COL21A1: variants seen among roughly 807,000 people sequenced by gnomAD.
The protein encoded by COL21A1 is collagen alpha-1(XXI) chain.
In COL21A1, 149 loss-of-function variants were observed where a neutral mutation model predicts 137.9. The ratio of observed to expected loss-of-function variants is 1.08; its 90% CI spans 0.95 to 1.24. The LOEUF (loss-of-function observed/expected upper bound fraction) is 1.24. COL21A1 is among the 50% of genes most tolerant of loss of function. The pLI, the probability that COL21A1 is intolerant of heterozygous loss-of-function variation, is 0.00. For synonymous variants in COL21A1, 456 were observed against 391.5 expected, an observed-to-expected ratio of 1.16 and a Z score of -1.95; for missense variants, 1,167 against 1,158.4, an observed-to-expected ratio of 1.01 and a Z score of -0.11.
At chr6:56,067,466 C>G in intron 22 of COL21A1, 136 bp from the exon 23 acceptor site, 1 of 595,484 alleles carries the variant, frequency 1.7e-6, no homozygotes, top group South Asian at 3.0e-5. Context: ...CAGAAGTTGA[C>G]TCCTAACACA....
rs376488651 is a variant in COL21A1, at chr6:56,093,110, C to T, written c.1812+8362G>A. 1.2e-4 allele frequency among the ~76,000 whole-genome samples: 19 copies of T among 152,134 alleles called. No individual in the cohort carries two copies. The East Asian group carries it at 2.9e-3, about 23-fold the overall frequency. ...ATAAGCCAAGATAATCTCCCTATGA[C>T]AAGATACTCATTCATATCTACAAAA... is the stretch of plus-strand genomic sequence containing the variant. On this transcript the variant is annotated intron_variant, in intron 17 of 29. Coordinates refer to ENST00000244728, the MANE Select transcript of COL21A1 (RefSeq NM_030820.4).
At chr6:56,255,349 G>GTC (rs1325533216) in intron 1 of COL21A1, among the ~76,000 whole-genome samples, 2 of 151,346 alleles carry the variant, frequency 1.3e-5, no homozygotes, top group Non-Finnish European at 2.9e-5. Flanking sequence ...GTGTGTGTGT[G>GTC]TGTGTGTGTG....
intron 17 of COL21A1, among the ~76,000 whole-genome samples, chr6:56,086,145 C>T (rs1291843223): frequency 6.6e-6 from 1 of 151,956 alleles, no homozygotes; most frequent in Non-Finnish European, 1.5e-5. Flanking sequence ...AAAACCATTA[C>T]ATATACATTA....
chr6:56,263,172 T>C (rs1763320365), intron 1 of COL21A1, among the ~76,000 whole-genome samples: 2 of 152,254 alleles, frequency 1.3e-5, no homozygotes, highest in African/African-American at 2.4e-5. Context: ...ACGCATAGTA[T>C]GCTTAATAGA....
At chr6:56,229,972 C>T (rs1326740852) in intron 1 of COL21A1, among the ~76,000 whole-genome samples, 7 of 151,848 alleles carry the variant, frequency 4.6e-5, no homozygotes, top group Admixed American at 2.0e-4. Context: ...TTGAAATCAA[C>T]TCAGTGGTCT....
chr6:56,175,312 G>A (rs1777376537), intron 3 of COL21A1, among the ~76,000 whole-genome samples: 2 of 151,888 alleles, frequency 1.3e-5, no homozygotes, highest in South Asian at 2.1e-4. Context: ...AGAAATAAAA[G>A]GCATTCAAAT....
Position 56,097,753 on chromosome 6 carries a change from T to A in COL21A1, c.1812+3719A>T, listed in dbSNP as rs556037516. ...CTAAGCACTCCTCATTTTATATTTTTTATATATATATAAATATATATAAAT... is the reference window on the plus strand; with the variant it reads ...CTAAGCACTCCTCATTTTATATTTTATATATATATATAAATATATATAAAT... On this transcript the variant is annotated intron_variant, in intron 17 of 29. Coordinates refer to ENST00000244728, the MANE Select transcript of COL21A1 (RefSeq NM_030820.4). Among the ~76,000 whole-genome samples the A allele has an allele frequency of 8.0e-4, 100 of 124,518 alleles. 1 individual carries two copies. Among genetic ancestry groups the A allele is most frequent in the African/African-American group, 2.8e-3 (89 of 31,940 alleles). 81.7% of individuals were successfully genotyped at this position (124,518 alleles called of 152,430 possible).
chr6:56,104,826 C>T (rs180831169), intron 16 of COL21A1, among the ~76,000 whole-genome samples: 2 of 152,192 alleles, frequency 1.3e-5, no homozygotes, highest in East Asian at 3.9e-4. Flanking sequence ...ATGTGTATTT[C>T]CTTTCATGCT....
chr6:56,201,789 A>C (rs1287229581), intron 1 of COL21A1, among the ~76,000 whole-genome samples: 1 of 152,166 alleles, frequency 6.6e-6, no homozygotes, highest in African/African-American at 2.4e-5. Context: ...ACAAAAATAC[A>C]TTTCAATTTT....
intron 17 of COL21A1, among the ~76,000 whole-genome samples, chr6:56,098,552 TATATAA>T (rs1351435998): frequency 7.5e-5 from 2 of 26,762 alleles, no homozygotes; most frequent in African/African-American, 1.4e-4. Flanking sequence ...TATATAAATA[TATATAA>T]ATATATAAAT....
chr6:56,075,162 T>C (rs530890456), intron 19 of COL21A1, among the ~76,000 whole-genome samples: 228 of 151,510 alleles, frequency 1.5e-3, no homozygotes, highest in African/African-American at 5.2e-3. Flanking sequence ...AATAAAAAAA[T>C]CACTGAGATT....
intron 16 of COL21A1, among the ~76,000 whole-genome samples, chr6:56,110,574 C>G (rs148740337): frequency 6.6e-6 from 1 of 151,722 alleles, no homozygotes; most frequent in East Asian, 1.9e-4. Flanking sequence ...ATATAATCAT[C>G]TATGTAGAAA....
At chr6:56,215,234 C>A (rs1780410397) in intron 1 of COL21A1, among the ~76,000 whole-genome samples, 1 of 152,018 alleles carries the variant, frequency 6.6e-6, no homozygotes, top group Non-Finnish European at 1.5e-5. Flanking sequence ...AATCTTCAAC[C>A]CATTGCAATA....
chr6:56,072,234 C>G (rs1410030587), intron 20 of COL21A1, among the ~76,000 whole-genome samples: 1 of 151,366 alleles, frequency 6.6e-6, no homozygotes, highest in Admixed American at 6.6e-5. Context: ...CATTCCATGT[C>G]TTTTCTATTG....
chr6:56,393,509 A>T (rs953617186), intron 1 of COL21A1, among the ~76,000 whole-genome samples: 3 of 152,224 alleles, frequency 2.0e-5, no homozygotes, highest in African/African-American at 7.2e-5. Flanking sequence ...AGTCACATTT[A>T]AGCTCAAAAT....
At chr6:56,332,351 C>T (rs1051798277) in intron 1 of COL21A1, among the ~76,000 whole-genome samples, 1 of 151,854 alleles carries the variant, frequency 6.6e-6, no homozygotes, top group African/African-American at 2.4e-5. Context: ...TTTTAGAATG[C>T]AAATTCTTAG....
chr6:56,191,123 A>G (rs1009653295), intron 1 of COL21A1, among the ~76,000 whole-genome samples: 6 of 152,186 alleles, frequency 3.9e-5, no homozygotes, highest in Non-Finnish European at 8.8e-5. Context: ...GGCAAGAGAA[A>G]GAAATACTGG....
Position 56,167,056 on chromosome 6 carries a change from T to C in COL21A1, c.1201-73A>G, listed in dbSNP as rs1430802928. On this transcript the variant is annotated intron_variant, in intron 6 of 29. Transcript: ENST00000244728. ...GTTTTATAAGAGCAACTCAGATACATAGAAACATCCACTATGGTTAGTAAT... is the reference window on the plus strand; with the variant it reads ...GTTTTATAAGAGCAACTCAGATACACAGAAACATCCACTATGGTTAGTAAT... The C allele has an allele frequency of 2.9e-5, 29 of 990,280 alleles. No individual in the cohort carries two copies. The South Asian group carries it at 3.9e-4, about 13-fold the overall frequency. 61.3% of individuals were successfully genotyped at this position (990,280 alleles called of 1,614,324 possible). A position where few individuals can be genotyped will look rare whatever the true frequency, so the allele number is the denominator to read the frequency against.
intron 1 of COL21A1, among the ~76,000 whole-genome samples, chr6:56,269,426 C>T (rs529878843): frequency 5.3e-5 from 8 of 151,934 alleles, no homozygotes; most frequent in East Asian, 1.9e-4. Context: ...GAGGCCGAGG[C>T]GGGCGGATCA....
Sources: gnomAD v4.1 joint callset for allele counts (sites outside exome capture counted in the v4.1 genomes callset) on GRCh38, gnomAD v4.1.1 for gene constraint, MANE v1.5 for transcripts, NCBI Gene and HGNC (gene_info 2026-07-23, HGNC 2026-07-21) for gene names.